The following BRWD3 variants were observed in gnomAD, a reference collection of about 807,000 sequenced individuals.
The protein encoded by BRWD3 is bromodomain and WD repeat-containing protein 3.
Under a neutral mutation model 149.7 loss-of-function variants are expected in BRWD3, and 10 were observed. The observed-to-expected ratio is 0.07, with a 90% CI of 0.04 to 0.11. The LOEUF is 0.11. BRWD3 is among the 10% of genes least tolerant of loss of function. The pLI is 1.00. For synonymous variants in BRWD3, 504 were observed against 456.7 expected (o/e 1.10, Z -1.32); for missense variants, 940 against 1,373.2 (o/e 0.68, Z 4.99).
At chrX:80,685,406 G>A in intron 36 of BRWD3, 56 bp downstream of exon 36, 1 of 998,043 alleles carries the variant, frequency 1.0e-6, no homozygotes, top group East Asian at 3.1e-5. Context: ...GTACAGTATG[G>A]AGAGTTTAGA....
intron 6 of BRWD3, chrX:80,746,685 A>C (rs1252189066): frequency 6.5e-6 from 1 of 154,263 alleles, no homozygotes; most frequent in Non-Finnish European, 1.1e-5. Context: ...ACCATACTGC[A>C]TAAATAATAT....
chrX:80,801,604 G>A (rs2074298470), intron 4 of BRWD3, among the ~76,000 whole-genome samples: 1 of 109,772 alleles, frequency 9.1e-6, no homozygotes, highest in Non-Finnish European at 1.9e-5. Context: ...ATTTTGGGAG[G>A]CGTAGGTGGG....
chrX:80,731,894 CAAAAAAAAAAAA>C (rs760738184), intron 12 of BRWD3, among the ~76,000 whole-genome samples: 1 of 22,936 alleles, frequency 4.4e-5, no homozygotes, highest in Non-Finnish European at 8.0e-5. Flanking sequence ...GACTCTGTCT[CAAAAAAAAAAAA>C]AAAAAAAAAA....
At chrX:80,696,921 T>A in intron 25 of BRWD3, 58 bp from the exon 26 acceptor site, 1 of 1,022,926 alleles carries the variant, frequency 9.8e-7, no homozygotes, top group East Asian at 3.3e-5. Context: ...AACATTTGTA[T>A]AATATTTCAT....
chrX:80,760,762 C>T (rs2073794288), intron 6 of BRWD3, among the ~76,000 whole-genome samples: 1 of 111,378 alleles, frequency 9.0e-6, no homozygotes, highest in African/African-American at 3.3e-5. Context: ...CTTCATTGTC[C>T]TACCCATTAG....
At chrX:80,770,517 T>C (rs986921539) in intron 6 of BRWD3, among the ~76,000 whole-genome samples, 2 of 111,370 alleles carry the variant, frequency 1.8e-5, no homozygotes, top group Non-Finnish European at 3.8e-5. Context: ...ATTATCTCAA[T>C]AGATGCAGAA....
chrX:80,789,641 G>A (rs748013950), intron 6 of BRWD3, among the ~76,000 whole-genome samples: 38 of 110,750 alleles, frequency 3.4e-4, no homozygotes, highest in Admixed American at 1.7e-3. Context: ...CTCCCAAAGT[G>A]CTGGGATTAC....
chrX:80,715,314 A>G (rs1195381731), intron 20 of BRWD3, among the ~76,000 whole-genome samples: 2 of 111,803 alleles, frequency 1.8e-5, no homozygotes, highest in Non-Finnish European at 3.8e-5. Context: ...AAAATGATCT[A>G]ATATTTGCAG....
chrX:80,691,266 G>A, intron 30 of BRWD3, 93 bp from the exon 31 acceptor site: 1 of 928,748 alleles, frequency 1.1e-6, no homozygotes. Context: ...AAGAAGGGAG[G>A]GTGATATACT....
chrX:80,805,269 G>A (rs1334109250), intron 4 of BRWD3, among the ~76,000 whole-genome samples: 3 of 111,384 alleles, frequency 2.7e-5, no homozygotes, highest in African/African-American at 9.8e-5. Context: ...CAGTAGTAAT[G>A]AAATGTTGAA....
chrX:80,689,902 T>C (rs2072588306), intron 32 of BRWD3, 56 bp from the exon 33 acceptor site: 3 of 1,162,440 alleles, frequency 2.6e-6, no homozygotes, highest in Non-Finnish European at 3.5e-6. Flanking sequence ...TTCAATTAAT[T>C]TTTTTAAAAT....
chrX:80,702,182 T>G (rs1340048483), intron 24 of BRWD3, among the ~76,000 whole-genome samples: 2 of 112,597 alleles, frequency 1.8e-5, no homozygotes, highest in Non-Finnish European at 3.8e-5. Context: ...TTTGCCTTTA[T>G]AATTTCTTTA....
chrX:80,735,935 G>A (rs1454767964), intron 9 of BRWD3, 53 bp downstream of exon 9: 8 of 790,316 alleles, frequency 1.0e-5, no homozygotes, highest in Non-Finnish European at 1.5e-5. Context: ...AAGAATCAAG[G>A]CAATAGATAA....
chrX:80,794,264 T>C (rs1413815571), intron 4 of BRWD3, among the ~76,000 whole-genome samples: 3 of 111,347 alleles, frequency 2.7e-5, no homozygotes, highest in East Asian at 5.6e-4. Flanking sequence ...CCAGCACTTT[T>C]AGAGGCCGAG....
intron 6 of BRWD3, chrX:80,746,711 T>C: frequency 4.7e-6 from 1 of 211,015 alleles, no homozygotes. Flanking sequence ...AAAATGAAAA[T>C]AGCTTCATGT....
At chrX:80,726,006 C>CAT (rs10645949) in intron 14 of BRWD3, among the ~76,000 whole-genome samples, 39,810 of 107,138 alleles carry the variant, frequency 0.37, 6,549 homozygotes, top group African/African-American at 0.63. Context: ...AACATGTTTA[C>CAT]ATGTTATATG....
rs925312023 is a variant in BRWD3, at chrX:80,809,704, A to G, written c.-233T>C. The G allele has an allele frequency of 7.3e-5, 27 of 370,940 alleles. No individual in the cohort carries two copies. The highest frequency in any genetic ancestry group is 1.1e-4 in the Non-Finnish European group (24 of 214,710). 30.6% of individuals were successfully genotyped at this position (370,940 alleles called of 1,213,427 possible). On this transcript the variant is annotated 5_prime_UTR_variant, in exon 1 of 41. Transcript: ENST00000373275. ...GGAAGGAGAGGAGAGGGAGAGGGAG[A>G]GAGAGAGTGAGTGAGTGAGAGAGAG...
chrX:80,684,283 A>G, intron 36 of BRWD3, 121 bp from the exon 37 acceptor site: 1 of 620,832 alleles, frequency 1.6e-6, no homozygotes, highest in Non-Finnish European at 2.5e-6. Flanking sequence ...TCAATGTGCC[A>G]ACTACCTCCC....
rs1484575791 is a variant in BRWD3 at position 80,698,740 on chromosome X, T to C, written c.2943+1217A>G. 3.7e-5 allele frequency among the ~76,000 whole-genome samples: 4 copies of C among 108,721 alleles called. No homozygotes were observed. In the Admixed American group the frequency reaches 4.0e-4, roughly 11 times the overall value. 94.4% of individuals were successfully genotyped at this position (108,721 alleles called of 115,157 possible). Reference sequence around the variant, plus strand: ...AAAAAAAGAGTAAGAAATCACATGTTTTATTGAATCCTCTGATTCTAAAAA... The same window carrying C: ...AAAAAAAGAGTAAGAAATCACATGTCTTATTGAATCCTCTGATTCTAAAAA... On this transcript the variant is annotated intron_variant, in intron 25 of 40. Coordinates refer to ENST00000373275, the MANE Select transcript of BRWD3 (RefSeq NM_153252.5).
Sources: allele counts gnomAD v4.1 joint callset (sites outside exome capture counted in the v4.1 genomes callset), GRCh38; gene constraint gnomAD v4.1.1; transcripts MANE v1.5; gene names NCBI Gene and HGNC (gene_info 2026-07-23, HGNC 2026-07-21).